The following LRIG1 variants were observed in gnomAD, a reference collection of about 807,000 sequenced individuals.
The protein encoded by LRIG1 is leucine-rich repeats and immunoglobulin-like domains protein 1.
In LRIG1, 48 loss-of-function variants were observed where a neutral mutation model predicts 99.2. The ratio of observed to expected loss-of-function variants is 0.48; its 90% CI spans 0.38 to 0.62. LRIG1 has a LOEUF of 0.62. LRIG1 is among the 20% of genes least tolerant of loss of function. LRIG1 has a pLI of 0.00. For synonymous variants in LRIG1, 772 were observed against 596.1 expected (o/e 1.29, Z -4.30); for missense variants, 1,646 against 1,434.4 (o/e 1.15, Z -2.38).
intron 1 of LRIG1, among the ~76,000 whole-genome samples, chr3:66,485,075 T>C (rs1700940887): frequency 6.6e-6 from 1 of 151,480 alleles, no homozygotes; most frequent in African/African-American, 2.4e-5. Flanking sequence ...GGAAAATTGC[T>C]TGAACCTGTG....
At chr3:66,410,045 G>T (rs1702413258) in intron 7 of LRIG1, 84 bp downstream of exon 7, 2 of 1,427,424 alleles carry the variant, frequency 1.4e-6, no homozygotes, top group East Asian at 2.3e-5. Context: ...AGGCCACTGT[G>T]TGGTGGAACG....
intron 1 of LRIG1, among the ~76,000 whole-genome samples, chr3:66,498,630 C>G (rs2106945393): frequency 6.6e-6 from 1 of 151,958 alleles, no homozygotes; most frequent in East Asian, 1.9e-4. Context: ...AAATAAGAGA[C>G]TACCTAAGGA....
At chr3:66,481,507 C>G (rs985028612) in intron 1 of LRIG1, among the ~76,000 whole-genome samples, 2 of 150,222 alleles carry the variant, frequency 1.3e-5, no homozygotes, top group African/African-American at 5.0e-5. Context: ...ATGCACAGAC[C>G]GGAGGGTTTA....
At chr3:66,408,242 A>G (rs944371439) in intron 7 of LRIG1, among the ~76,000 whole-genome samples, 1 of 152,228 alleles carries the variant, frequency 6.6e-6, no homozygotes, top group African/African-American at 2.4e-5. Flanking sequence ...GAGAAGATTA[A>G]TGAGCTTTTA....
intron 11 of LRIG1, among the ~76,000 whole-genome samples, chr3:66,395,823 CTGGA>C (rs1278427741): frequency 6.6e-6 from 1 of 152,204 alleles, no homozygotes; most frequent in African/African-American, 2.4e-5. Flanking sequence ...GGAACTCAGC[CTGGA>C]TGGAGAACTC....
At chr3:66,417,760 T>C (rs1702658730) in intron 3 of LRIG1, 1 of 147,526 alleles carries the variant, frequency 6.8e-6, no homozygotes, top group Non-Finnish European at 1.5e-5. Flanking sequence ...ACACCTACCA[T>C]ATACCAGACA....
intron 3 of LRIG1, among the ~76,000 whole-genome samples, chr3:66,439,770 G>A (rs1346774105): frequency 6.6e-6 from 1 of 152,226 alleles, no homozygotes; most frequent in East Asian, 1.9e-4. Context: ...CAGATAAGGG[G>A]CAAATCCACA....
Position 66,383,073 on chromosome 3 carries a change from G to A in LRIG1, c.2400C>T (p.Val800=), listed in dbSNP as rs146650608. Residue 800 remains valine, a synonymous_variant, in exon 15 of 19, where the codon GTC becomes GTT. Transcript: ENST00000273261. ...GTGACGTCAGGACGATGCTGCTCAC[G>A]ACAGCAATGGTGAAGATGCCTACCG... ...GTTVGIFTIA[V]VSSIVLTSLV... The A allele has an allele frequency of 4.0e-5, 65 of 1,614,086 alleles. No individual in the cohort carries two copies. Among genetic ancestry groups the A allele is most frequent in the Admixed American group, 1.5e-4 (9 of 60,016 alleles).
chr3:66,420,428 A>G (rs995533066), intron 3 of LRIG1, among the ~76,000 whole-genome samples: 1 of 152,234 alleles, frequency 6.6e-6, no homozygotes, highest in Non-Finnish European at 1.5e-5. Context: ...AAAATTAAAC[A>G]GAGGCACACC....
At chr3:66,402,903 C>G (rs528818996) in intron 9 of LRIG1, among the ~76,000 whole-genome samples, 85 of 152,148 alleles carry the variant, frequency 5.6e-4, no homozygotes, top group Non-Finnish European at 1.1e-3. Context: ...GGGAGGGGAC[C>G]AAAGAGGCAC....
At position 66,379,660 on chromosome 3, in the gene LRIG1, G is replaced by T. The variant is rs1361422359; in HGVS notation, c.*603C>A. 6.6e-6 allele frequency: 1 copy of T among 152,326 alleles called. No individual in the cohort carries two copies. The highest frequency in any genetic ancestry group is 1.9e-4 in the East Asian group (1 of 5,178). The allele number at this position is 152,326 out of a possible 1,614,324, so 9.4% of individuals were successfully genotyped here. Reference sequence around the variant, plus strand: ...AAGCCATTCACTGCAAGTGTGGATGGCACTTGCACCCCTGGCTCTACAGAC... The same window carrying T: ...AAGCCATTCACTGCAAGTGTGGATGTCACTTGCACCCCTGGCTCTACAGAC... On this transcript the variant is annotated 3_prime_UTR_variant, in exon 19 of 19. Coordinates refer to ENST00000273261, the MANE Select transcript of LRIG1 (RefSeq NM_015541.3).
chr3:66,406,462 T>G, intron 8 of LRIG1: 1 of 974,684 alleles, frequency 1.0e-6, no homozygotes, highest in South Asian at 4.7e-5. Flanking sequence ...CTCCGGCCTC[T>G]TTCACACTCC....
chr3:66,496,416 A>G (rs962017159), intron 1 of LRIG1, among the ~76,000 whole-genome samples: 3 of 152,164 alleles, frequency 2.0e-5, no homozygotes, highest in Non-Finnish European at 4.4e-5. Context: ...AACCAATATT[A>G]TTTGCCAGAA....
chr3:66,405,652 A>T (rs1411871337), intron 8 of LRIG1: 2 of 994,222 alleles, frequency 2.0e-6, no homozygotes, highest in African/African-American at 3.4e-5. Flanking sequence ...GTCTGCTCTC[A>T]TACCAACCAG....
At chr3:66,425,860 A>G (rs1296091179) in intron 3 of LRIG1, among the ~76,000 whole-genome samples, 1 of 152,266 alleles carries the variant, frequency 6.6e-6, no homozygotes, top group Non-Finnish European at 1.5e-5. Flanking sequence ...ATCAGTCTTC[A>G]AAGGCGGAAA....
At chr3:66,446,250 G>C (rs1220682023) in intron 3 of LRIG1, among the ~76,000 whole-genome samples, 2 of 151,958 alleles carry the variant, frequency 1.3e-5, no homozygotes, top group Non-Finnish European at 2.9e-5. Flanking sequence ...CCAGGGCTTC[G>C]TCCACTCTTC....
At chr3:66,401,823 C>A in intron 9 of LRIG1, 2 of 503,310 alleles carry the variant, frequency 4.0e-6, no homozygotes, top group Non-Finnish European at 6.9e-6. Context: ...GCGGGAGTCA[C>A]CTGTCAAACC....
Position 66,386,178 on chromosome 3 carries a change from T to C in LRIG1, c.1592A>G (p.Lys531Arg). 6.2e-7 allele frequency: 1 copy of C among 1,614,162 alleles called. No homozygotes were observed. Among genetic ancestry groups the C allele is most frequent in the Admixed American group, 1.7e-5 (1 of 60,028 alleles). Residue 531 changes from lysine to arginine, a missense_variant, in exon 13 of 19, where the codon AAG becomes AGG. Transcript: ENST00000273261. ...ATTGGTCAGGACTTCATTGTCTTTCTTCCAGGCAAAGGTCATGGGGGAGCT... is the reference window on the plus strand; with the variant it reads ...ATTGGTCAGGACTTCATTGTCTTTCCTCCAGGCAAAGGTCATGGGGGAGCT... ...SSSSPMTFAW[K>R]KDNEVLTNAD...
Position 66,414,987 on chromosome 3 carries a change from G to A in LRIG1, c.580C>T (p.Arg194Cys), listed in dbSNP as rs147639877. The change falls in exon 5 of 19, where the codon CGC becomes TGC. Residue 194 changes from arginine (R) to cysteine (C), a missense_variant. Physicochemically the swap from Arg to Cys is radical, Grantham distance 180. Transcript: ENST00000273261. ...DGLSRSLLTL[R>C]LSKNRITQLP... ...TGGGTGATCCTGTTTTTGCTCAGGC[G>A]AAGAGTTAGCAGCGACCGTGACAGA... 1.7e-5 allele frequency: 28 copies of A among 1,612,960 alleles called. No homozygotes were observed. The highest frequency in any genetic ancestry group is 1.6e-4 in the Middle Eastern group (1 of 6,074).
Sources: allele counts gnomAD v4.1 joint callset (sites outside exome capture counted in the v4.1 genomes callset), GRCh38; gene constraint gnomAD v4.1.1; transcripts MANE v1.5; gene names NCBI Gene and HGNC (gene_info 2026-07-23, HGNC 2026-07-21).